Variants in LRFN2 observed in about 807,000 individuals in gnomAD.
The protein encoded by LRFN2 is leucine-rich repeat and fibronectin type-III domain-containing protein 2.
In LRFN2, 18 loss-of-function variants were observed where a neutral mutation model predicts 37.3. The ratio of observed to expected loss-of-function variants is 0.48; its 90% CI spans 0.33 to 0.72. LRFN2 has a LOEUF of 0.72. Among genes scored for constraint, LRFN2 ranks in the 30% least tolerant of loss-of-function variants. The pLI is 0.02. For synonymous variants in LRFN2, 556 were observed against 466.6 expected (o/e 1.19, Z -2.47); for missense variants, 1,006 against 1,060.7 (o/e 0.95, Z 0.72).
chr6:40,410,401 C>T (rs993146270), intron 2 of LRFN2, among the ~76,000 whole-genome samples: 1 of 152,168 alleles, frequency 6.6e-6, no homozygotes, highest in African/African-American at 2.4e-5. Context: ...CAGCACGTCC[C>T]TGACCCCGAA....
At chr6:40,417,722 T>C (rs1763127408) in intron 2 of LRFN2, among the ~76,000 whole-genome samples, 1 of 152,092 alleles carries the variant, frequency 6.6e-6, no homozygotes, top group South Asian at 2.1e-4. Flanking sequence ...GCCCAAGGAT[T>C]CTGCCAGAAA....
chr6:40,428,981 G>T (rs2113821363), intron 2 of LRFN2, among the ~76,000 whole-genome samples: 1 of 152,174 alleles, frequency 6.6e-6, no homozygotes, highest in African/African-American at 2.4e-5. Context: ...TCTGCTACTA[G>T]TACTACTACT....
intron 1 of LRFN2, among the ~76,000 whole-genome samples, chr6:40,527,629 T>C (rs1267252074): frequency 5.9e-5 from 9 of 152,200 alleles, no homozygotes; most frequent in Admixed American, 5.2e-4. Context: ...AGAGCCAATA[T>C]ACACTTGGCT....
chr6:40,570,059 A>G (rs918719318), intron 1 of LRFN2, among the ~76,000 whole-genome samples: 1 of 152,104 alleles, frequency 6.6e-6, no homozygotes, highest in Non-Finnish European at 1.5e-5. Context: ...GCTTTAAAAC[A>G]TCAATGGCCT....
intron 1 of LRFN2, among the ~76,000 whole-genome samples, chr6:40,470,324 C>T (rs2113856331): frequency 6.6e-6 from 1 of 152,302 alleles, no homozygotes; most frequent in African/African-American, 2.4e-5. Context: ...ATTTAAGACG[C>T]TGTGTGGCTG....
Position 40,459,879 on chromosome 6 carries a change from G to C in LRFN2, c.-18-26748C>G, listed in dbSNP as rs558204499. On this transcript the variant is annotated intron_variant, in intron 1 of 2. Coordinates refer to ENST00000338305, the MANE Select transcript of LRFN2 (RefSeq NM_020737.3). The stretch of plus-strand genomic sequence containing the variant: ...TTCTTATATCAACTCTATGAGTCGG[G>C]CACTATTAAGAGCACCAAGAGGTGA... Among the ~76,000 whole-genome samples, 5 of 152,266 alleles carry C rather than the reference G, an allele frequency of 3.3e-5. No homozygotes were observed. In the South Asian group the frequency reaches 1.0e-3, roughly 32 times the overall value.
chr6:40,425,908 C>A (rs1257425040), intron 2 of LRFN2, among the ~76,000 whole-genome samples: 1 of 152,224 alleles, frequency 6.6e-6, no homozygotes, highest in East Asian at 1.9e-4. Context: ...TGATCCATGC[C>A]TCTGCTCCTC....
chr6:40,402,439 T>A (rs1361136475), intron 2 of LRFN2, among the ~76,000 whole-genome samples: 6 of 152,206 alleles, frequency 3.9e-5, no homozygotes, highest in African/African-American at 1.4e-4. Flanking sequence ...GGCCAACTGT[T>A]TGCCAGCAAT....
intron 1 of LRFN2, among the ~76,000 whole-genome samples, chr6:40,525,824 T>A (rs1450812240): frequency 6.6e-6 from 1 of 152,142 alleles, no homozygotes; most frequent in Non-Finnish European, 1.5e-5. Flanking sequence ...ACAATCTTGC[T>A]TTTTTCTGGC....
At chr6:40,439,579 TG>T (rs1477831770) in intron 1 of LRFN2, among the ~76,000 whole-genome samples, 1 of 152,128 alleles carries the variant, frequency 6.6e-6, no homozygotes, top group Non-Finnish European at 1.5e-5. Context: ...CCAGCTCCAG[TG>T]TGAAGCCCCT....
intron 1 of LRFN2, among the ~76,000 whole-genome samples, chr6:40,548,570 C>T (rs1393418055): frequency 1.3e-5 from 2 of 152,172 alleles, no homozygotes; most frequent in Admixed American, 1.3e-4. Flanking sequence ...GGAGTATGTA[C>T]AGCTATTATC....
rs1352123614 is a variant in LRFN2 at position 40,411,392 on chromosome 6, C to T, written c.1401-18480G>A. Reference sequence around the variant, plus strand: ...AGGTACGTATGTGAGTGTGACTGTGCGTCCACTGGCCAGCGTGGAAGCAGC... The same window carrying T: ...AGGTACGTATGTGAGTGTGACTGTGTGTCCACTGGCCAGCGTGGAAGCAGC... On this transcript the variant is annotated intron_variant, in intron 2 of 2. Coordinates refer to ENST00000338305, the MANE Select transcript of LRFN2 (RefSeq NM_020737.3). 2.6e-5 allele frequency among the ~76,000 whole-genome samples: 4 copies of T among 152,168 alleles called. 1 individual carries two copies. The highest frequency in any genetic ancestry group is 4.4e-5 in the Non-Finnish European group (3 of 68,030).
chr6:40,542,676 G>C (rs984452056), intron 1 of LRFN2, among the ~76,000 whole-genome samples: 4 of 152,144 alleles, frequency 2.6e-5, no homozygotes, highest in African/African-American at 9.7e-5. Flanking sequence ...ACCCAGCCCT[G>C]CTCCCCAACT....
intron 2 of LRFN2, among the ~76,000 whole-genome samples, chr6:40,393,358 G>A (rs145323830): frequency 4.0e-5 from 6 of 151,792 alleles, no homozygotes; most frequent in African/African-American, 4.8e-5. Context: ...GTCAGAGACC[G>A]GGTGAGAGAA....
intron 1 of LRFN2, among the ~76,000 whole-genome samples, chr6:40,465,537 C>A (rs998368286): frequency 6.6e-6 from 1 of 152,178 alleles, no homozygotes; most frequent in African/African-American, 2.4e-5. Flanking sequence ...ACTTCTTACT[C>A]TCAGATCCTG....
chr6:40,424,388 G>A (rs1399775432), intron 2 of LRFN2, among the ~76,000 whole-genome samples: 9 of 152,180 alleles, frequency 5.9e-5, no homozygotes, highest in Admixed American at 2.0e-4. Context: ...GGGCCTTAGC[G>A]AGATGTGCCC....
At chr6:40,455,327 C>T (rs773021508) in intron 1 of LRFN2, among the ~76,000 whole-genome samples, 4 of 152,172 alleles carry the variant, frequency 2.6e-5, no homozygotes, top group Non-Finnish European at 5.9e-5. Flanking sequence ...CTCAGACCAC[C>T]AGCTGTTTGC....
rs149261525 is a variant in LRFN2 at position 40,521,816 on chromosome 6, GC to G, written c.-19+65124del. ...CGATGAAAAGGGAGGGGTGGGAGAAGCTGAACACAGACCACAGGGGGAGCTG... is the reference window on the plus strand; with the variant it reads ...CGATGAAAAGGGAGGGGTGGGAGAAGTGAACACAGACCACAGGGGGAGCTG... On this transcript the variant is annotated intron_variant, in intron 1 of 2. Transcript: ENST00000338305. 7.1e-3 allele frequency among the ~76,000 whole-genome samples: 1,078 copies of G among 152,350 alleles called. 12 individuals are homozygous for G. The highest frequency in any genetic ancestry group is 0.027 in the East Asian group (140 of 5,190).
intron 1 of LRFN2, among the ~76,000 whole-genome samples, chr6:40,461,161 A>G (rs1467671021): frequency 6.6e-6 from 1 of 152,146 alleles, no homozygotes; most frequent in Admixed American, 6.5e-5. Flanking sequence ...AATTCCAGCA[A>G]TTTGGGAGGC....
Sources: allele counts gnomAD v4.1 joint callset (sites outside exome capture counted in the v4.1 genomes callset), GRCh38; gene constraint gnomAD v4.1.1; transcripts MANE v1.5; gene names NCBI Gene and HGNC (gene_info 2026-07-23, HGNC 2026-07-21).